NELL2: variants seen among roughly 807,000 people sequenced by gnomAD.
The protein encoded by NELL2 is protein kinase C-binding protein NELL2.
A neutral mutation model predicts 109.6 loss-of-function variants in NELL2; 41 were observed. The ratio of observed to expected loss-of-function variants is 0.37; its 90% CI spans 0.29 to 0.49. The LOEUF is 0.49. Ranked by LOEUF, NELL2 falls within the 20% of genes least tolerant of loss-of-function variation. NELL2 has a pLI of 0.98. For synonymous variants in NELL2, 355 were observed against 344.7 expected (o/e 1.03, Z -0.33); for missense variants, 900 against 1,008.3 (o/e 0.89, Z 1.45).
At chr12:44,763,762 T>A (rs1045945742) in intron 9 of NELL2, among the ~76,000 whole-genome samples, 4 of 152,162 alleles carry the variant, frequency 2.6e-5, no homozygotes, top group Admixed American at 2.6e-4. Context: ...AATGGGAGAA[T>A]TTTTACAAAG....
intron 12 of NELL2, among the ~76,000 whole-genome samples, chr12:44,681,796 T>G (rs1048789070): frequency 6.6e-6 from 1 of 152,230 alleles, no homozygotes; most frequent in African/African-American, 2.4e-5. Flanking sequence ...ATGTGCCACA[T>G]TTTCTTAATC....
intron 3 of NELL2, 46 bp downstream of exon 3, chr12:44,815,940 A>G (rs34034808): frequency 0.096 from 150,442 of 1,564,728 alleles, 7,812 homozygotes; most frequent in Admixed American, 0.14. Flanking sequence ...ATATTCATTT[A>G]ACCACATATA....
chr12:44,740,778 T>C (rs1939911892), intron 9 of NELL2, among the ~76,000 whole-genome samples: 1 of 152,128 alleles, frequency 6.6e-6, no homozygotes, highest in Non-Finnish European at 1.5e-5. Context: ...CATTTTTCTG[T>C]ATGTGCCTCT....
intron 13 of NELL2, among the ~76,000 whole-genome samples, chr12:44,611,823 G>A (rs114456275): frequency 0.02 from 3,113 of 151,998 alleles, 100 homozygotes; most frequent in African/African-American, 0.071. Flanking sequence ...TAAATGTAAG[G>A]AATAAATACA....
intron 13 of NELL2, among the ~76,000 whole-genome samples, chr12:44,644,357 C>A (rs1049955448): frequency 6.6e-6 from 1 of 151,324 alleles, no homozygotes; most frequent in Non-Finnish European, 1.5e-5. Context: ...GGCAAGGTAA[C>A]GAAGAAATGG....
intron 15 of NELL2, among the ~76,000 whole-genome samples, chr12:44,563,558 A>G (rs1943551322): frequency 6.6e-6 from 1 of 152,178 alleles, no homozygotes; most frequent in African/African-American, 2.4e-5. Flanking sequence ...GAGTGAGTCT[A>G]ATTAAGTAGA....
intron 1 of NELL2, among the ~76,000 whole-genome samples, chr12:44,905,010 G>A (rs971824383): frequency 2.0e-5 from 3 of 151,930 alleles, no homozygotes; most frequent in Admixed American, 1.3e-4. Flanking sequence ...CCAATGACTG[G>A]ACCAAATTTT....
intron 15 of NELL2, among the ~76,000 whole-genome samples, chr12:44,541,898 T>A (rs985161344): frequency 1.3e-5 from 2 of 152,182 alleles, no homozygotes; most frequent in African/African-American, 4.8e-5. Context: ...AGTTTAAGTA[T>A]TTTTTTACAA....
intron 12 of NELL2, among the ~76,000 whole-genome samples, chr12:44,691,398 C>G (rs553930207): frequency 6.6e-6 from 1 of 152,178 alleles, no homozygotes; most frequent in African/African-American, 2.4e-5. Context: ...CAAACTTAAT[C>G]GATAACTGTG....
At chr12:44,708,586 T>G (rs1938018907) in intron 11 of NELL2, among the ~76,000 whole-genome samples, 1 of 152,192 alleles carries the variant, frequency 6.6e-6, no homozygotes, top group African/African-American at 2.4e-5. Context: ...ACTTGACTTC[T>G]TTTAGTTTGA....
intron 9 of NELL2, among the ~76,000 whole-genome samples, chr12:44,748,534 T>C (rs1940501347): frequency 6.6e-6 from 1 of 152,154 alleles, no homozygotes; most frequent in Non-Finnish European, 1.5e-5. Context: ...GAATCAAAAC[T>C]AAATAAATCA....
At chr12:44,869,704 C>T (rs531029861) in intron 2 of NELL2, among the ~76,000 whole-genome samples, 3 of 152,234 alleles carry the variant, frequency 2.0e-5, no homozygotes, top group Admixed American at 2.0e-4. Flanking sequence ...TCAAAGAGCC[C>T]TCAATGTAAC....
chr12:44,774,565 G>T (rs1338621062), intron 9 of NELL2, 182 bp downstream of exon 9: 1 of 586,426 alleles, frequency 1.7e-6, no homozygotes, highest in Non-Finnish European at 3.0e-6. Context: ...ACTGGAATAG[G>T]GGCATAGCAT....
chr12:44,511,978 A>G (rs149342859), intron 19 of NELL2, among the ~76,000 whole-genome samples: 1 of 152,318 alleles, frequency 6.6e-6, no homozygotes, highest in African/African-American at 2.4e-5. Flanking sequence ...AAAAATAGAT[A>G]AATGAGACTA....
At chr12:44,720,914 G>A (rs1033288323) in intron 9 of NELL2, among the ~76,000 whole-genome samples, 1 of 152,104 alleles carries the variant, frequency 6.6e-6, no homozygotes, top group African/African-American at 2.4e-5. Context: ...CTTAATTTAG[G>A]TCAGTAGCTT....
At chr12:44,776,931 CAGTAT>C in intron 7 of NELL2, 106 bp downstream of exon 7, 1 of 864,896 alleles carries the variant, frequency 1.2e-6, no homozygotes, top group African/African-American at 1.7e-5. Context: ...TCCTAGCAAA[CAGTAT>C]AGTATAAGAA....
At chr12:44,513,529 T>C (rs11835945) in intron 19 of NELL2, among the ~76,000 whole-genome samples, 1 of 151,854 alleles carries the variant, frequency 6.6e-6, no homozygotes, top group East Asian at 1.9e-4. Context: ...TGTTAAAAGA[T>C]ACAGTCATAA....
At chr12:44,896,040 A>G (rs1003899015) in intron 1 of NELL2, among the ~76,000 whole-genome samples, 4 of 152,218 alleles carry the variant, frequency 2.6e-5, no homozygotes, top group African/African-American at 9.6e-5. Context: ...AAGGAAGACA[A>G]AAAGCAAGAG....
intron 3 of NELL2, among the ~76,000 whole-genome samples, chr12:44,802,360 T>C (rs924836997): frequency 6.6e-6 from 1 of 152,024 alleles, no homozygotes; most frequent in Non-Finnish European, 1.5e-5. Context: ...CTTAATGAAA[T>C]AAAAAATTTG....
Sources: allele counts gnomAD v4.1 joint callset (sites outside exome capture counted in the v4.1 genomes callset), GRCh38; gene constraint gnomAD v4.1.1; transcripts MANE v1.5; gene names NCBI Gene and HGNC (gene_info 2026-07-23, HGNC 2026-07-21).